The following PEAK3 variants were observed in gnomAD, a reference collection of about 807,000 sequenced individuals.
The protein encoded by PEAK3 is PEAK family member 3, also known as protein PEAK3.
Under a neutral mutation model 13.3 loss-of-function variants are expected in PEAK3, and 15 were observed. That is an observed-to-expected ratio of 1.13 (90% confidence interval 0.75 to 1.73). The LOEUF (loss-of-function observed/expected upper bound fraction) is 1.73. Among genes scored for constraint, PEAK3 ranks in the 40% most tolerant of loss-of-function variants. The pLI, the probability that PEAK3 is intolerant of heterozygous loss-of-function variation, is 0.00. For synonymous variants in PEAK3, 347 were observed against 341.9 expected (o/e 1.01, Z -0.17); for missense variants, 739 against 690.2 (o/e 1.07, Z -0.79).
rs1468937968 is a variant in PEAK3 at position 2,276,378 on chromosome 19, G to T, written c.724C>A (p.Leu242Met). ...GLCGLVPEGT[L>M]PGAPWRGAVA... ...GCGCCTCTCCAGGGCGCCCCGGGCA[G>T]TGTGCCTTCAGGCACCAGGCCACAC... The change falls in exon 4 of 4, where the codon CTG (leucine) becomes ATG (methionine). Residue 242 changes from leucine (L) to methionine (M), a missense_variant. Transcript: ENST00000342063. 1 of 1,599,970 alleles carries T rather than the reference G, an allele frequency of 6.3e-7. No individual in the cohort carries two copies. The highest frequency in any genetic ancestry group is 1.7e-5 in the Admixed American group (1 of 59,762).
At chr19:2,281,002 G>T in intron 1 of PEAK3, 67 bp from the exon 2 acceptor site, 1 of 1,065,558 alleles carries the variant, frequency 9.4e-7, no homozygotes, top group Non-Finnish European at 1.3e-6. Context: ...CATGGGGAGG[G>T]GTCCGTGAGT....
rs780108572 is a variant in PEAK3 at position 2,280,854 on chromosome 19, G to T, written c.78C>A (p.Asn26Lys). Residue 26 changes from asparagine (N) to lysine (K), a missense_variant, in exon 2 of 4, where the codon AAC becomes AAA. Physicochemically the swap from Asn to Lys is moderately conservative, Grantham distance 94. Coordinates refer to ENST00000342063, the MANE Select transcript of PEAK3 (RefSeq NM_198532.3). ...PTWSTQPTYS[N>K]LGQIRAHLLP... Reference sequence around the variant, plus strand: ...GCTCCCTGGGGAGCTGCTTACCAAGGTTGCTATACGTGGGCTGAGTCGACC... The same window carrying T: ...GCTCCCTGGGGAGCTGCTTACCAAGTTTGCTATACGTGGGCTGAGTCGACC... 1.2e-6 allele frequency: 2 copies of T among 1,607,630 alleles called. No individual in the cohort carries two copies. The highest frequency in any genetic ancestry group is 8.5e-7 in the Non-Finnish European group (1 of 1,177,078).
chr19:2,276,442 C>G lies in PEAK3; in HGVS notation c.660G>C (p.Leu220=). 6.3e-7 allele frequency: 1 copy of G among 1,584,098 alleles called. No homozygotes were observed. Among genetic ancestry groups the G allele is most frequent in the Non-Finnish European group, 8.6e-7 (1 of 1,169,304 alleles). ...ADVPHPWGLE[L]QASLSPHFNL... ...TGAAGTGTGGAGACAGGGAGGCCTGCAGCTCCAGGCCCCACGGGTGGGGCA... is the reference window on the plus strand; with the variant it reads ...TGAAGTGTGGAGACAGGGAGGCCTGGAGCTCCAGGCCCCACGGGTGGGGCA... The change falls in exon 4 of 4, where the codon CTG becomes CTC. Residue 220 remains leucine (L), a synonymous_variant. Transcript: ENST00000342063.
Position 2,278,973 on chromosome 19 carries a change from T to C in PEAK3, c.223A>G (p.Thr75Ala), listed in dbSNP as rs760707530. ...TRTQSLPTRR[T>A]LHPSSIQVQP... ...ACTTGGATGGAGCTGGGATGGAGGG[T>C]CCTGCGGGTGGGCAGTGACTGGGTC... Residue 75 changes from threonine to alanine, a missense_variant, in exon 3 of 4, where the codon ACC (threonine) becomes GCC (alanine). Thr to Ala is a moderately conservative substitution (Grantham distance 58, BLOSUM62 0). Transcript: ENST00000342063. 4.4e-6 allele frequency: 7 copies of C among 1,596,072 alleles called. No individual in the cohort carries two copies. The highest frequency in any genetic ancestry group is 6.0e-6 in the Non-Finnish European group (7 of 1,168,062).
chr19:2,281,033 C>G lies in PEAK3; in HGVS notation c.-4-98G>C, dbSNP rs930589507. On this transcript the variant is annotated intron_variant, in intron 1 of 3. Coordinates refer to ENST00000342063, the MANE Select transcript of PEAK3 (RefSeq NM_198532.3). ...TGAGTGCTGGGGCCTGGGAGACCGT[C>G]GAGGCCTCCTGCTCCAGGGCCCTTG... 1.4e-5 allele frequency: 10 copies of G among 713,268 alleles called. No homozygotes were observed. The Admixed American group carries it at 1.6e-4, about 11-fold the overall frequency. 44.2% of individuals were successfully genotyped at this position (713,268 alleles called of 1,614,324 possible). A position where few individuals can be genotyped will look rare whatever the true frequency, so the allele number is the denominator to read the frequency against.
Position 2,279,062 on chromosome 19 carries a change from G to A in PEAK3, c.134C>T (p.Pro45Leu), listed in dbSNP as rs1186484616. The A allele has an allele frequency of 1.4e-6, 2 of 1,480,730 alleles. No individual in the cohort carries two copies. Among genetic ancestry groups the A allele is most frequent in the East Asian group, 4.8e-5 (2 of 41,586 alleles). The allele number at this position is 1,480,730 out of a possible 1,614,324, so 91.7% of individuals were successfully genotyped here. Residue 45 changes from proline (P) to leucine (L), a missense_variant, in exon 3 of 4, where the codon CCT (proline) becomes CTT (leucine). By Grantham distance (98) the Pro-to-Leu change is moderately conservative. Coordinates refer to ENST00000342063, the MANE Select transcript of PEAK3 (RefSeq NM_198532.3). ...CTCTGGGTTGGTGGAGAGGGACCCA[G>A]GGGTCCGGAGGCGGCAGGCCTTGGA... The part of the protein sequence containing the change: ...LPSKACRLRT[P>L]GSLSTNPEPL...
At chr19:2,281,184 C>T (rs985005376) in intron 1 of PEAK3, among the ~76,000 whole-genome samples, 2 of 151,482 alleles carry the variant, frequency 1.3e-5, no homozygotes, top group Non-Finnish European at 2.9e-5. Context: ...CCTGTCCTCT[C>T]TGGGCCCCTG....
chr19:2,278,941 C>T lies in PEAK3; in HGVS notation c.255G>A (p.Pro85=), dbSNP rs1000951796. 24 of 1,607,330 alleles carry T rather than the reference C, an allele frequency of 1.5e-5. No individual in the cohort carries two copies. Among genetic ancestry groups the T allele is most frequent in the Admixed American group, 1.7e-5 (1 of 59,182 alleles). Residue 85 remains proline, a synonymous_variant, in exon 3 of 4, where the codon CCG becomes CCA. Coordinates refer to ENST00000342063, the MANE Select transcript of PEAK3 (RefSeq NM_198532.3). ...TLHPSSIQVQ[P]PRRPFLGSHS... is the part of the protein sequence containing the mutation. ...GGGACCCCAGAAAGGGTCTCCGAGG[C>T]GGCTGTACTTGGATGGAGCTGGGAT...
In PEAK3 at chr19:2,276,463, G is replaced by A; in HGVS notation, c.639C>T (p.Pro213=). Residue 213 remains proline (P), a synonymous_variant, in exon 4 of 4, where the codon CCC becomes CCT. Transcript: ENST00000342063. ...CCTGCAGCTCCAGGCCCCACGGGTG[G>A]GGCACGTCCGCCCCGGGCTTGGGCA... is the stretch of plus-strand genomic sequence containing the variant. The part of the protein sequence containing the change: ...AKVPKPGADV[P]HPWGLELQAS... 6.4e-7 allele frequency: 1 copy of A among 1,563,330 alleles called. No homozygotes were observed. Among genetic ancestry groups the A allele is most frequent in the Non-Finnish European group, 8.6e-7 (1 of 1,159,318 alleles).
chr19:2,279,116 G>A lies in PEAK3; in HGVS notation c.83-3C>T, dbSNP rs375427334. On this transcript the variant is annotated splice_polypyrimidine_tract_variant and splice_region_variant and intron_variant, in intron 2 of 3. Transcript: ENST00000342063. ...CAGCAGGTGGGCACGGATCTGACCT[G>A]CAGGGAGAGACAGTGGGGGAGGGTT... 2.3e-4 allele frequency: 324 copies of A among 1,434,028 alleles called. No individual in the cohort carries two copies. Among genetic ancestry groups the A allele is most frequent in the Non-Finnish European group, 2.8e-4 (303 of 1,088,692 alleles). 88.8% of individuals were successfully genotyped at this position (1,434,028 alleles called of 1,614,324 possible). A position where few individuals can be genotyped will look rare whatever the true frequency, so the allele number is the denominator to read the frequency against.
chr19:2,277,031 A>AAAAAC (rs2025396681), intron 3 of PEAK3, among the ~76,000 whole-genome samples: 1 of 152,000 alleles, frequency 6.6e-6, no homozygotes, highest in Non-Finnish European at 1.5e-5. Context: ...AAACAAAACA[A>AAAAAC]AAAACACAAA....
In PEAK3 at chr19:2,280,760, TGCC is replaced by T. The variant is rs1170244139; in HGVS notation, c.82+87_82+89del. ...GAGGCCATGGTGCCCGGCAACCTCC[TGCC>T]GCTCCCTGCACCCACCTGCCGCTCC... On this transcript the variant is annotated intron_variant, in intron 2 of 3. Transcript: ENST00000342063. The T allele has an allele frequency of 5.6e-6, 5 of 897,032 alleles. No homozygotes were observed. In the African/African-American group the frequency reaches 1.4e-4, roughly 25 times the overall value. 55.6% of individuals were successfully genotyped at this position (897,032 alleles called of 1,614,324 possible).
In PEAK3 at chr19:2,280,796, C is replaced by A. The variant is rs756809251; in HGVS notation, c.82+54G>T. The A allele has an allele frequency of 4.9e-6, 7 of 1,416,160 alleles. 1 individual carries two copies. The South Asian group carries it at 8.2e-5, about 17-fold the overall frequency. 87.7% of individuals were successfully genotyped at this position (1,416,160 alleles called of 1,614,324 possible). Reference sequence around the variant, plus strand: ...GCACCCACCTGCCGCTCCCTGCACCCCCCTGCCGCTCCCTGCACCCCCGCA... The same window carrying A: ...GCACCCACCTGCCGCTCCCTGCACCACCCTGCCGCTCCCTGCACCCCCGCA... On this transcript the variant is annotated intron_variant, in intron 2 of 3. Coordinates refer to ENST00000342063, the MANE Select transcript of PEAK3 (RefSeq NM_198532.3).
rs765085078 is a variant in PEAK3 at position 2,275,710 on chromosome 19, C to G, written c.1392G>C (p.Met464Ile). 1.4e-5 allele frequency: 22 copies of G among 1,537,054 alleles called. No homozygotes were observed. The highest frequency in any genetic ancestry group is 8.8e-7 in the Non-Finnish European group (1 of 1,142,178). The change falls in exon 4 of 4, where the codon ATG becomes ATC. Residue 464 changes from methionine to isoleucine, a missense_variant. By Grantham distance (10) the Met-to-Ile change is conservative (BLOSUM62 1). Transcript: ENST00000342063. ...CCCACAGCAGCGCCAGGGCCTGGCC[C>G]ATCGAGGACTCGGTGGCCTCGGCCA... ...EYLAEATESSMGQALALLWD is the reference protein window; with the variant it reads ...EYLAEATESSIGQALALLWD
Position 2,278,650 on chromosome 19 carries a change from G to GCT in PEAK3, c.544_545dup (p.Ser182ArgfsTer108), listed in dbSNP as rs746435852. On this transcript the variant is annotated frameshift_variant, in exon 3 of 4. Transcript: ENST00000342063. LOFTEE classifies it high-confidence loss of function. ...CCACGCGGTAATACAGGGCGTCCCC[G>GCT]CTCTCTGCGCAGGGTGAGCTGTCTA... 6.6e-7 allele frequency: 1 copy of GCT among 1,508,826 alleles called. No homozygotes were observed. Among genetic ancestry groups the GCT allele is most frequent in the Non-Finnish European group, 8.9e-7 (1 of 1,128,616 alleles). The allele number at this position is 1,508,826 out of a possible 1,614,324, so 93.5% of individuals were successfully genotyped here.
rs554970015 is a variant in PEAK3 at position 2,277,415 on chromosome 19, G to A, written c.613-926C>T. Among the ~76,000 whole-genome samples the A allele has an allele frequency of 2.3e-3, 346 of 152,030 alleles. 4 individuals carry two copies. The highest frequency in any genetic ancestry group is 8.0e-3 in the African/African-American group (331 of 41,454). On this transcript the variant is annotated intron_variant, in intron 3 of 3. Coordinates refer to ENST00000342063, the MANE Select transcript of PEAK3 (RefSeq NM_198532.3). ...CCCACCGTGTGAGATGCCTGCTCCCGCCTCGCCTTCCACTATGATTGGAAG... is the reference window on the plus strand; with the variant it reads ...CCCACCGTGTGAGATGCCTGCTCCCACCTCGCCTTCCACTATGATTGGAAG...
Position 2,275,801 on chromosome 19 carries a change from C to G in PEAK3, c.1301G>C (p.Arg434Pro), listed in dbSNP as rs374785656. The G allele has an allele frequency of 1.8e-5, 28 of 1,553,606 alleles. No homozygotes were observed. The highest frequency in any genetic ancestry group is 2.4e-5 in the South Asian group (2 of 83,486). ...CCCACCTGCGGCCCGCTCTGCTAGG[C>G]GCAGGACCAGCAGCCCGCGGCGCAC... is the stretch of plus-strand genomic sequence containing the variant. ...LRVRRGLLVL[R>P]LAERAAGGEA... The change falls in exon 4 of 4, where the codon CGC (arginine) becomes CCC (proline). Residue 434 changes from arginine to proline, a missense_variant. By Grantham distance (103) the Arg-to-Pro change is moderately radical (BLOSUM62 -2). Coordinates refer to ENST00000342063, the MANE Select transcript of PEAK3 (RefSeq NM_198532.3).
chr19:2,275,218 G>A lies in PEAK3; in HGVS notation c.*462C>T, dbSNP rs1351337080. On this transcript the variant is annotated 3_prime_UTR_variant, in exon 4 of 4. Transcript: ENST00000342063. ...CAAGCAATTCTCCACCAGGGACAGGGGCATTCACATGCCCAAAATCACTGG... is the reference window on the plus strand; with the variant it reads ...CAAGCAATTCTCCACCAGGGACAGGAGCATTCACATGCCCAAAATCACTGG... 1 of 153,156 alleles carries A rather than the reference G, an allele frequency of 6.5e-6. No individual in the cohort carries two copies. Among genetic ancestry groups the A allele is most frequent in the Non-Finnish European group, 1.5e-5 (1 of 68,704 alleles). The allele number at this position is 153,156 out of a possible 1,614,324, so 9.5% of individuals were successfully genotyped here.
In PEAK3 at chr19:2,275,083, G is replaced by T. The variant is rs2025371493; in HGVS notation, c.*597C>A. 6.6e-6 allele frequency: 1 copy of T among 152,272 alleles called. No homozygotes were observed. Among genetic ancestry groups the T allele is most frequent in the Non-Finnish European group, 1.5e-5 (1 of 68,108 alleles). The allele number at this position is 152,272 out of a possible 1,614,324, so 9.4% of individuals were successfully genotyped here. ...CAGGGTGGGCGCAGAGGGATTGAGG[G>T]GAGGTGGCAGGGAACCGCGGGGACT... On this transcript the variant is annotated 3_prime_UTR_variant, in exon 4 of 4. Transcript: ENST00000342063.
Sources: allele counts gnomAD v4.1 joint callset (sites outside exome capture counted in the v4.1 genomes callset), GRCh38; gene constraint gnomAD v4.1.1; transcripts MANE v1.5; gene names NCBI Gene and HGNC (gene_info 2026-07-23, HGNC 2026-07-21).